BICD1: variants seen among roughly 807,000 people sequenced by gnomAD.
The protein encoded by BICD1 is protein bicaudal D homolog 1.
Under a neutral mutation model 92.5 loss-of-function variants are expected in BICD1, and 35 were observed. That is an observed-to-expected ratio of 0.38 (90% CI 0.29 to 0.50). The LOEUF is 0.50. Ranked by LOEUF, BICD1 falls within the 20% of genes least tolerant of loss-of-function variation. The probability of loss-of-function intolerance (pLI) is 0.93; values close to 1 mark genes in which losing one functional copy is unlikely to be tolerated. For synonymous variants in BICD1, 429 were observed against 465.1 expected (o/e 0.92, Z 1.00); for missense variants, 950 against 1,189.8 (o/e 0.80, Z 2.97).
intron 2 of BICD1, among the ~76,000 whole-genome samples, chr12:32,250,671 A>G (rs1946501079): frequency 1.3e-5 from 2 of 152,178 alleles, no homozygotes. Context: ...CAGTAAATTG[A>G]GGCCACCATA....
intron 1 of BICD1, among the ~76,000 whole-genome samples, chr12:32,164,641 T>A (rs1174238385): frequency 2.0e-5 from 3 of 152,200 alleles, no homozygotes; most frequent in African/African-American, 7.2e-5. Context: ...AAATATAACC[T>A]GTCCCTCCCT....
intron 1 of BICD1, among the ~76,000 whole-genome samples, chr12:32,146,083 A>G (rs1033988112): frequency 9.8e-5 from 15 of 152,376 alleles, no homozygotes; most frequent in African/African-American, 3.4e-4. Context: ...ACATATACAT[A>G]TGAACAAAGG....
intron 4 of BICD1, among the ~76,000 whole-genome samples, chr12:32,320,265 G>A (rs1226968401): frequency 6.6e-6 from 1 of 152,182 alleles, no homozygotes; most frequent in Non-Finnish European, 1.5e-5. Flanking sequence ...CAGCACTTGG[G>A]AAAGCCAAGT....
chr12:32,175,740 C>T (rs925857495), intron 1 of BICD1, among the ~76,000 whole-genome samples: 26 of 152,280 alleles, frequency 1.7e-4, no homozygotes, highest in African/African-American at 5.8e-4. Flanking sequence ...ATAAAAATCA[C>T]CTATTTCAAG....
At chr12:32,362,217 G>A (rs965605488) in intron 8 of BICD1, among the ~76,000 whole-genome samples, 2 of 152,158 alleles carry the variant, frequency 1.3e-5, no homozygotes, top group African/African-American at 2.4e-5. Context: ...AAAATTGGCC[G>A]GGCATGGTGG....
chr12:32,375,527 C>A (rs760016517), intron 9 of BICD1, among the ~76,000 whole-genome samples: 10 of 152,186 alleles, frequency 6.6e-5, no homozygotes, highest in Middle Eastern at 3.4e-3. Context: ...GATTCCATAT[C>A]AAAAAAATTT....
chr12:32,255,101 C>T (rs994656161), intron 2 of BICD1, among the ~76,000 whole-genome samples: 1 of 152,110 alleles, frequency 6.6e-6, no homozygotes, highest in Non-Finnish European at 1.5e-5. Context: ...CTGCTGAGGG[C>T]CCTCTTCCTG....
At position 32,377,873 on chromosome 12, in the gene BICD1, A is replaced by C; in HGVS notation, c.*246A>C. ...CCATCAAATGGCTACAGTTCATTTA[A>C]ATTTAAAAAAAAGAAAAAAGAAACA... On this transcript the variant is annotated 3_prime_UTR_variant, in exon 10 of 10. Transcript: ENST00000652176. The C allele has an allele frequency of 5.1e-6, 2 of 390,238 alleles. No individual in the cohort carries two copies. Among genetic ancestry groups the C allele is most frequent in the Non-Finnish European group, 9.3e-6 (2 of 215,638 alleles). 24.2% of individuals were successfully genotyped at this position (390,238 alleles called of 1,614,324 possible). A position where few individuals can be genotyped will look rare whatever the true frequency, so the allele number is the denominator to read the frequency against.
intron 4 of BICD1, among the ~76,000 whole-genome samples, chr12:32,312,430 A>G (rs1029982570): frequency 2.0e-5 from 3 of 152,210 alleles, no homozygotes; most frequent in Non-Finnish European, 4.4e-5. Context: ...GAAACTGTGT[A>G]TAAGTCATAA....
At chr12:32,160,029 A>G (rs73295276) in intron 1 of BICD1, among the ~76,000 whole-genome samples, 18,197 of 152,218 alleles carry the variant, frequency 0.12, 1,317 homozygotes, top group South Asian at 0.2. Flanking sequence ...TTTCTCACCC[A>G]CAAAATAGGG....
At chr12:32,284,888 A>G (rs905899330) in intron 2 of BICD1, among the ~76,000 whole-genome samples, 5 of 152,170 alleles carry the variant, frequency 3.3e-5, no homozygotes, top group African/African-American at 1.2e-4. Flanking sequence ...GCGACACTAG[A>G]CTAATTTAAC....
intron 1 of BICD1, among the ~76,000 whole-genome samples, chr12:32,119,903 T>C (rs1407460162): frequency 6.6e-6 from 1 of 152,090 alleles, no homozygotes; most frequent in Non-Finnish European, 1.5e-5. Flanking sequence ...TGGGAAGTTA[T>C]GAGCTAATAC....
Position 32,300,812 on chromosome 12 carries a change from AT to A in BICD1, c.580-4873del, listed in dbSNP as rs555788482. ...GGCACCCACCACCATGCCCAGCTAA[AT>A]TTTTTTTTTTTGTATTTTTAGTAGA... On this transcript the variant is annotated intron_variant, in intron 3 of 9. Coordinates refer to ENST00000652176, the MANE Select transcript of BICD1 (RefSeq NM_001714.4). Among the ~76,000 whole-genome samples, 1,327 of 139,600 alleles carry A rather than the reference AT, an allele frequency of 9.5e-3. 9 individuals are homozygous for A. Among genetic ancestry groups the A allele is most frequent in the Middle Eastern group, 0.064 (18 of 282 alleles). The allele number at this position is 139,600 out of a possible 152,430, so 91.6% of individuals were successfully genotyped here. A position where few individuals can be genotyped will look rare whatever the true frequency, so the allele number is the denominator to read the frequency against.
intron 8 of BICD1, among the ~76,000 whole-genome samples, chr12:32,348,098 T>C (rs75976706): frequency 0.027 from 4,172 of 152,260 alleles, 198 homozygotes; most frequent in African/African-American, 0.096. Context: ...CTATTCGTGT[T>C]TTTATTTTGT....
In BICD1 at chr12:32,254,217, A is replaced by G. The variant is rs796791034; in HGVS notation, c.426+37758A>G. 1.7e-4 allele frequency among the ~76,000 whole-genome samples: 24 copies of G among 144,202 alleles called. 1 individual carries two copies. Among genetic ancestry groups the G allele is most frequent in the African/African-American group, 5.7e-4 (22 of 38,282 alleles). The allele number at this position is 144,202 out of a possible 152,430, so 94.6% of individuals were successfully genotyped here. On this transcript the variant is annotated intron_variant, in intron 2 of 9. Transcript: ENST00000652176. ...TCCCACCTGCCATAATCACTGCCAT[A>G]TTCCACATGTCATATTCACTGCCAT... is the stretch of plus-strand genomic sequence containing the variant.
chr12:32,157,270 T>A (rs1341927668), intron 1 of BICD1, among the ~76,000 whole-genome samples: 2 of 152,216 alleles, frequency 1.3e-5, no homozygotes, highest in Admixed American at 1.3e-4. Flanking sequence ...TCAATTTGAA[T>A]TTAATTTTTT....
rs548635935 is a variant in BICD1 at position 32,270,741 on chromosome 12, C to G, written c.427-23253C>G. On this transcript the variant is annotated intron_variant, in intron 2 of 9. Coordinates refer to ENST00000652176, the MANE Select transcript of BICD1 (RefSeq NM_001714.4). ...TATTTCATTGGCCTTGACCCACAAA[C>G]TAAACACAGACATTTTCTCAATTAG... is the stretch of plus-strand genomic sequence containing the variant. 2.3e-3 allele frequency among the ~76,000 whole-genome samples: 355 copies of G among 152,310 alleles called. 2 individuals are homozygous for G. The highest frequency in any genetic ancestry group is 8.2e-3 in the African/African-American group (341 of 41,562).
At chr12:32,273,744 T>C (rs920596653) in intron 2 of BICD1, among the ~76,000 whole-genome samples, 2 of 152,188 alleles carry the variant, frequency 1.3e-5, no homozygotes, top group African/African-American at 4.8e-5. Flanking sequence ...TAAAACCGGG[T>C]TCTTGTCACA....
intron 1 of BICD1, among the ~76,000 whole-genome samples, chr12:32,159,485 A>G (rs1361332746): frequency 6.6e-6 from 1 of 152,204 alleles, no homozygotes. Context: ...AGGCATCACT[A>G]TAATAGCATG....
Sources: gnomAD v4.1 joint callset for allele counts (sites outside exome capture counted in the v4.1 genomes callset) on GRCh38, gnomAD v4.1.1 for gene constraint, MANE v1.5 for transcripts, NCBI Gene and HGNC (gene_info 2026-07-23, HGNC 2026-07-21) for gene names.